The following NAALADL2 variants were observed in gnomAD, a reference collection of about 807,000 sequenced individuals.
The protein encoded by NAALADL2 is N-acetylated alpha-linked acidic dipeptidase like 2.
Under a neutral mutation model 87.2 loss-of-function variants are expected in NAALADL2, and 76 were observed. The ratio of observed to expected loss-of-function variants is 0.87; its 90% confidence interval spans 0.72 to 1.05. The LOEUF is 1.05. Ranked by LOEUF, NAALADL2 falls within the 50% of genes least tolerant of loss-of-function variation. The pLI, the probability that NAALADL2 is intolerant of heterozygous loss-of-function variation, is 0.00. For missense variants in NAALADL2, 1,089 were observed against 945.8 expected, an observed-to-expected ratio of 1.15 and a Z score of -1.99; for synonymous variants, 354 against 331.0, an observed-to-expected ratio of 1.07 and a Z score of -0.75.
chr3:175,683,791 C>A (rs1048210343), intron 11 of NAALADL2, among the ~76,000 whole-genome samples: 1 of 151,938 alleles, frequency 6.6e-6, no homozygotes, highest in African/African-American at 2.4e-5. Context: ...AGGTGGTAGT[C>A]TTTTCCTTCA....
intron 5 of NAALADL2, among the ~76,000 whole-genome samples, chr3:175,358,487 G>A (rs1488173093): frequency 6.6e-6 from 1 of 151,340 alleles, no homozygotes; most frequent in Admixed American, 6.6e-5. Flanking sequence ...TGTCACGGGA[G>A]TAGTTTAAAA....
intron 1 of NAALADL2, among the ~76,000 whole-genome samples, chr3:174,919,408 A>G (rs1318160455): frequency 6.6e-6 from 1 of 152,180 alleles, no homozygotes; most frequent in African/African-American, 2.4e-5. Context: ...CATTTCAGCA[A>G]TGTTCACTTA....
At position 175,043,080 on chromosome 3, in the gene NAALADL2, T is replaced by G. The variant is rs144721254; in HGVS notation, c.44-53710T>G. Among the ~76,000 whole-genome samples, 412 of 152,268 alleles carry G rather than the reference T, an allele frequency of 2.7e-3. 1 individual carries two copies. Among genetic ancestry groups the G allele is most frequent in the African/African-American group, 9.2e-3 (382 of 41,556 alleles). ...AGTTGCAGATCCTCAGTCATTAACT[T>G]TCCAACCATCAGAATCAGAAGGCCA... On this transcript the variant is annotated intron_variant, in intron 1 of 13. Coordinates refer to ENST00000454872, the MANE Select transcript of NAALADL2 (RefSeq NM_207015.3).
At chr3:175,290,808 A>C (rs1324603678) in intron 4 of NAALADL2, among the ~76,000 whole-genome samples, 1 of 152,134 alleles carries the variant, frequency 6.6e-6, no homozygotes, top group Non-Finnish European at 1.5e-5. Flanking sequence ...TTATATCATG[A>C]ATAGGCTCTT....
chr3:174,483,308 G>A (rs1485268337), intron 1 of NAALADL2, among the ~76,000 whole-genome samples: 1 of 152,098 alleles, frequency 6.6e-6, no homozygotes, highest in South Asian at 2.1e-4. Context: ...GGTGAAAGGT[G>A]AAGAGTAGCA....
intron 1 of NAALADL2, among the ~76,000 whole-genome samples, chr3:174,463,631 C>T (rs7649896): frequency 1.1e-3 from 147 of 134,626 alleles, no homozygotes; most frequent in Admixed American, 3.3e-3. Flanking sequence ...GACGGAGTCT[C>T]GCTCTGTCAC....
chr3:175,698,823 A>C (rs1157377296), intron 11 of NAALADL2, among the ~76,000 whole-genome samples: 2 of 151,842 alleles, frequency 1.3e-5, no homozygotes, highest in African/African-American at 4.8e-5. Flanking sequence ...CAAAGACCAT[A>C]AAGCACTCAG....
intron 11 of NAALADL2, among the ~76,000 whole-genome samples, chr3:175,633,263 T>C (rs1654484791): frequency 6.6e-6 from 1 of 152,144 alleles, no homozygotes; most frequent in Non-Finnish European, 1.5e-5. Context: ...AGTAAAAAGC[T>C]CCACTTGGCT....
intron 10 of NAALADL2, among the ~76,000 whole-genome samples, chr3:175,592,632 A>T (rs1042504790): frequency 6.6e-6 from 1 of 151,544 alleles, no homozygotes; most frequent in African/African-American, 2.4e-5. Context: ...AGTAAACTAT[A>T]GCAAGAACAA....
chr3:175,259,690 T>C (rs1750677517), intron 4 of NAALADL2, among the ~76,000 whole-genome samples: 1 of 152,222 alleles, frequency 6.6e-6, no homozygotes, highest in South Asian at 2.1e-4. Flanking sequence ...TTGTTGTGTA[T>C]TTATTTTGTA....
intron 13 of NAALADL2, among the ~76,000 whole-genome samples, chr3:175,787,886 C>G (rs915918718): frequency 1.4e-4 from 22 of 152,172 alleles, no homozygotes; most frequent in African/African-American, 4.6e-4. Context: ...TAAGCTAAGG[C>G]TAATTTATTA....
intron 3 of NAALADL2, among the ~76,000 whole-genome samples, chr3:175,246,074 A>C (rs1459825672): frequency 2.0e-5 from 3 of 152,190 alleles, no homozygotes; most frequent in Non-Finnish European, 2.9e-5. Flanking sequence ...GAGTGAACCT[A>C]AAACAGAAGC....
chr3:174,457,193 T>TA (rs755314557), intron 1 of NAALADL2, among the ~76,000 whole-genome samples: 1 of 151,866 alleles, frequency 6.6e-6, no homozygotes, highest in East Asian at 1.9e-4. Context: ...TACTAAAAAG[T>TA]AAAAAAATAA....
At chr3:174,557,169 T>G (rs1326226545) in intron 2 of NAALADL2, among the ~76,000 whole-genome samples, 1 of 152,220 alleles carries the variant, frequency 6.6e-6, no homozygotes, top group East Asian at 1.9e-4. Context: ...ATGTTACAAA[T>G]TATGCATTCT....
intron 10 of NAALADL2, among the ~76,000 whole-genome samples, chr3:175,606,461 C>CAAA (rs569858144): frequency 6.7e-6 from 1 of 149,378 alleles, no homozygotes; most frequent in Non-Finnish European, 1.5e-5. Flanking sequence ...AAGGGAATAA[C>CAAA]AAAAAAAATC....
In NAALADL2 at chr3:175,471,708, T is replaced by C; in HGVS notation, c.1603T>C (p.Ser535Pro). The part of the protein sequence containing the change: ...ISLHSPIRGN[S>P]SLYPVASPSL... The stretch of plus-strand genomic sequence containing the variant: ...CCTCCACAGTCCCATAAGGGGGAAC[T>C]CTAGTCTGTATCCTGTAGCATCACC... The change falls in exon 9 of 14, where the codon TCT becomes CCT. Residue 535 changes from serine to proline, a missense_variant. Transcript: ENST00000454872. The C allele has an allele frequency of 6.2e-7, 1 of 1,606,278 alleles. No homozygotes were observed. The highest frequency in any genetic ancestry group is 8.5e-7 in the Non-Finnish European group (1 of 1,174,546).
intron 2 of NAALADL2, among the ~76,000 whole-genome samples, chr3:174,698,977 A>G (rs962341152): frequency 3.3e-5 from 5 of 151,746 alleles, no homozygotes; most frequent in Non-Finnish European, 5.9e-5. Context: ...GTATATATAT[A>G]TACATTTCTT....
intron 13 of NAALADL2, among the ~76,000 whole-genome samples, chr3:175,799,217 G>A (rs1753844448): frequency 6.6e-6 from 1 of 151,800 alleles, no homozygotes; most frequent in South Asian, 2.1e-4. Context: ...AACTCATAAA[G>A]TGAAGGAAGA....
chr3:174,818,095 T>C (rs1249858682), intron 3 of NAALADL2, among the ~76,000 whole-genome samples: 1 of 152,176 alleles, frequency 6.6e-6, no homozygotes, highest in African/African-American at 2.4e-5. Flanking sequence ...TGCAGGCTGT[T>C]AAAAGGACAC....
Sources: gnomAD v4.1 joint callset for allele counts (sites outside exome capture counted in the v4.1 genomes callset) on GRCh38, gnomAD v4.1.1 for gene constraint, MANE v1.5 for transcripts, NCBI Gene and HGNC (gene_info 2026-07-23, HGNC 2026-07-21) for gene names.